The following KHDRBS2 variants were observed in gnomAD, a reference collection of about 807,000 sequenced individuals.
KHDRBS2 encodes the protein KH domain-containing, RNA-binding, signal transduction-associated protein 2.
Under a neutral mutation model 44.3 loss-of-function variants are expected in KHDRBS2, and 26 were observed. The observed-to-expected ratio is 0.59, with a 90% CI of 0.43 to 0.81. The LOEUF is 0.81. Among genes scored for constraint, KHDRBS2 ranks in the 40% least tolerant of loss-of-function variants. KHDRBS2 has a pLI of 0.00. For missense variants in KHDRBS2, 476 were observed against 433.1 expected, an observed-to-expected ratio of 1.10 and a Z score of -0.88; for synonymous variants, 194 against 151.1, an observed-to-expected ratio of 1.28 and a Z score of -2.08.
chr6:62,002,370 C>A (rs559236228), intron 3 of KHDRBS2, among the ~76,000 whole-genome samples: 47 of 151,774 alleles, frequency 3.1e-4, no homozygotes, highest in Non-Finnish European at 6.0e-4. Context: ...TATATCTGTG[C>A]ATCAGCTAGT....
chr6:62,235,539 A>G (rs1833574461), intron 1 of KHDRBS2, among the ~76,000 whole-genome samples: 1 of 151,992 alleles, frequency 6.6e-6, no homozygotes, highest in Admixed American at 6.6e-5. Context: ...ATCAGATATT[A>G]TGTACATTTA....
chr6:61,917,370 A>G (rs1344129904), intron 4 of KHDRBS2, among the ~76,000 whole-genome samples: 1 of 152,000 alleles, frequency 6.6e-6, no homozygotes, highest in African/African-American at 2.4e-5. Flanking sequence ...TTAAATGTAT[A>G]TATCAAGTGA....
At chr6:61,801,856 G>A (rs537078454) in intron 6 of KHDRBS2, among the ~76,000 whole-genome samples, 1 of 152,238 alleles carries the variant, frequency 6.6e-6, no homozygotes, top group East Asian at 1.9e-4. Context: ...TGCTACTGCT[G>A]TGAAAGGATT....
chr6:61,859,406 T>C (rs957087714), intron 6 of KHDRBS2, among the ~76,000 whole-genome samples: 1 of 151,868 alleles, frequency 6.6e-6, no homozygotes, highest in South Asian at 2.1e-4. Context: ...ATAGGAAATA[T>C]ATATTGTTTA....
At chr6:61,547,545 T>C in the KHDRBS2 span, among the ~76,000 whole-genome samples, 4 of 152,264 alleles carry the variant, frequency 2.6e-5, no homozygotes, top group South Asian at 8.3e-4. Flanking sequence ...TGAAAGATAC[T>C]CCTGTTACTG....
intron 4 of KHDRBS2, among the ~76,000 whole-genome samples, chr6:61,926,096 T>A (rs1013898924): frequency 6.6e-6 from 1 of 152,166 alleles, no homozygotes; most frequent in African/African-American, 2.4e-5. Flanking sequence ...TATATAAAAG[T>A]ACTGTGGGTT....
At chr6:62,182,371 T>A (rs1409525322) in intron 1 of KHDRBS2, among the ~76,000 whole-genome samples, 5 of 151,992 alleles carry the variant, frequency 3.3e-5, no homozygotes, top group Non-Finnish European at 7.4e-5. Flanking sequence ...AATGAACAAG[T>A]CCTAGAGAAC....
chr6:62,076,876 C>T (rs1185070991), intron 2 of KHDRBS2, among the ~76,000 whole-genome samples: 2 of 151,866 alleles, frequency 1.3e-5, no homozygotes, highest in Admixed American at 1.3e-4. Flanking sequence ...GAGACCTCAT[C>T]TCTATAAAAA....
chr6:61,559,147 G>T, the KHDRBS2 span, among the ~76,000 whole-genome samples: 1 of 152,018 alleles, frequency 6.6e-6, no homozygotes. Context: ...TTGCTGAATT[G>T]ATTTTTTATC....
intron 6 of KHDRBS2, among the ~76,000 whole-genome samples, chr6:61,878,821 A>G (rs1275300765): frequency 6.6e-6 from 1 of 152,004 alleles, no homozygotes; most frequent in East Asian, 1.9e-4. Context: ...TGAGCATAAT[A>G]CTTAACCTCT....
the KHDRBS2 span, among the ~76,000 whole-genome samples, chr6:61,567,873 G>T: frequency 6.6e-6 from 1 of 151,998 alleles, no homozygotes; most frequent in Non-Finnish European, 1.5e-5. Flanking sequence ...GGATGTGAGG[G>T]TGATCTAGCT....
At chr6:61,699,208 C>T (rs1768278122) in intron 7 of KHDRBS2, among the ~76,000 whole-genome samples, 1 of 151,662 alleles carries the variant, frequency 6.6e-6, no homozygotes, top group South Asian at 2.1e-4. Context: ...CATAGGAAGC[C>T]CAGACACCAT....
At chr6:62,209,997 G>C (rs917899459) in intron 1 of KHDRBS2, among the ~76,000 whole-genome samples, 1 of 151,980 alleles carries the variant, frequency 6.6e-6, no homozygotes, top group Admixed American at 6.6e-5. Flanking sequence ...GGCCTATTGA[G>C]GTACTTCATC....
intron 2 of KHDRBS2, among the ~76,000 whole-genome samples, chr6:62,079,050 T>C (rs1323039195): frequency 6.6e-6 from 1 of 151,916 alleles, no homozygotes; most frequent in Non-Finnish European, 1.5e-5. Context: ...ACTAGAAAAA[T>C]TCAGCGGGAC....
chr6:61,565,596 A>G, the KHDRBS2 span, among the ~76,000 whole-genome samples: 1 of 152,182 alleles, frequency 6.6e-6, no homozygotes, highest in Non-Finnish European at 1.5e-5. Flanking sequence ...AGAGAAATGC[A>G]AATCAATCCA....
chr6:62,176,970 T>G (rs1379736848), intron 2 of KHDRBS2, among the ~76,000 whole-genome samples: 2 of 151,374 alleles, frequency 1.3e-5, no homozygotes, highest in African/African-American at 4.8e-5. Flanking sequence ...GCCTCCTACA[T>G]TCACAGAACA....
At chr6:62,149,868 G>A (rs1389553767) in intron 2 of KHDRBS2, among the ~76,000 whole-genome samples, 4 of 152,124 alleles carry the variant, frequency 2.6e-5, no homozygotes. Context: ...ACAAAGTTGT[G>A]TTCCAATCTT....
At chr6:61,768,801 T>A (rs1311978296) in intron 6 of KHDRBS2, among the ~76,000 whole-genome samples, 1 of 152,102 alleles carries the variant, frequency 6.6e-6, no homozygotes, top group Non-Finnish European at 1.5e-5. Context: ...GGAACTCCGA[T>A]CATTTACCTG....
chr6:62,093,919 T>C (rs1161948728), intron 2 of KHDRBS2, among the ~76,000 whole-genome samples: 1 of 150,702 alleles, frequency 6.6e-6, no homozygotes, highest in Non-Finnish European at 1.5e-5. Flanking sequence ...TATCAATTCA[T>C]CCACTGATAG....
Sources: gnomAD v4.1 joint callset for allele counts (sites outside exome capture counted in the v4.1 genomes callset) on GRCh38, gnomAD v4.1.1 for gene constraint, MANE v1.5 for transcripts, NCBI Gene and HGNC (gene_info 2026-07-23, HGNC 2026-07-21) for gene names.